CAMK1D: variants seen among roughly 807,000 people sequenced by gnomAD.
CAMK1D encodes the protein calcium/calmodulin-dependent protein kinase type 1D.
Under a neutral mutation model 47.7 loss-of-function variants are expected in CAMK1D, and 9 were observed. That is an observed-to-expected ratio of 0.19 (90% confidence interval 0.11 to 0.33). CAMK1D has a LOEUF of 0.33. Ranked by LOEUF, CAMK1D falls within the 10% of genes least tolerant of loss-of-function variation. The pLI, the probability that CAMK1D is intolerant of heterozygous loss-of-function variation, is 1.00. For missense variants in CAMK1D, 291 were observed against 488.7 expected, an observed-to-expected ratio of 0.60 and a Z score of 3.81; for synonymous variants, 184 against 184.9, an observed-to-expected ratio of 0.99 and a Z score of 0.04.
intron 1 of CAMK1D, among the ~76,000 whole-genome samples, chr10:12,392,954 T>C (rs974590531): frequency 6.6e-6 from 1 of 151,962 alleles, no homozygotes; most frequent in Non-Finnish European, 1.5e-5. Context: ...CACACACACA[T>C]ACCCTGATCT....
chr10:12,427,942 G>A (rs1468725960), intron 1 of CAMK1D, among the ~76,000 whole-genome samples: 1 of 151,564 alleles, frequency 6.6e-6, no homozygotes, highest in Non-Finnish European at 1.5e-5. Context: ...TCCTGACCTT[G>A]TGATCCTCCC....
At chr10:12,619,193 C>T (rs1838913736) in intron 2 of CAMK1D, among the ~76,000 whole-genome samples, 1 of 152,162 alleles carries the variant, frequency 6.6e-6, no homozygotes. Context: ...GTTCCAATTT[C>T]ACAGTAATCC....
chr10:12,372,890 C>G (rs1838045248), intron 1 of CAMK1D, among the ~76,000 whole-genome samples: 1 of 152,188 alleles, frequency 6.6e-6, no homozygotes, highest in South Asian at 2.1e-4. Flanking sequence ...CTTGGCCTCT[C>G]AAAGTGCTGG....
Position 12,828,895 on chromosome 10 carries a change from T to C in CAMK1D, c.*8T>C. The C allele has an allele frequency of 6.3e-7, 1 of 1,597,914 alleles. No individual in the cohort carries two copies. The highest frequency in any genetic ancestry group is 8.5e-7 in the Non-Finnish European group (1 of 1,171,460). On this transcript the variant is annotated 3_prime_UTR_variant, in exon 11 of 11. Coordinates refer to ENST00000619168, the MANE Select transcript of CAMK1D (RefSeq NM_153498.4). ...CACTCTGGAAGCAAGTGACTGGCCC[T>C]GGAGGTGGGGCCCGGGGTCGGGGCT...
At chr10:12,419,487 G>A (rs1381429699) in intron 1 of CAMK1D, among the ~76,000 whole-genome samples, 1 of 152,102 alleles carries the variant, frequency 6.6e-6, no homozygotes, top group Non-Finnish European at 1.5e-5. Flanking sequence ...CTTTTCCACA[G>A]CCTTTCTTGA....
chr10:12,381,346 T>C (rs1425770122), intron 1 of CAMK1D, among the ~76,000 whole-genome samples: 1 of 151,006 alleles, frequency 6.6e-6, no homozygotes, highest in East Asian at 1.9e-4. Flanking sequence ...TGCTTTCTTT[T>C]TTTTTTTTTT....
At chr10:12,439,962 C>T (rs762254855) in intron 1 of CAMK1D, among the ~76,000 whole-genome samples, 10 of 152,120 alleles carry the variant, frequency 6.6e-5, no homozygotes, top group East Asian at 5.8e-4. Context: ...CATCAGATCT[C>T]GTGAGAGACC....
intron 1 of CAMK1D, among the ~76,000 whole-genome samples, chr10:12,394,009 C>T (rs1202569889): frequency 1.3e-5 from 2 of 152,190 alleles, no homozygotes; most frequent in African/African-American, 2.4e-5. Flanking sequence ...CTCCCGACAC[C>T]CCCTCCGCTT....
intron 1 of CAMK1D, among the ~76,000 whole-genome samples, chr10:12,384,871 C>G (rs565017419): frequency 6.6e-6 from 1 of 152,190 alleles, no homozygotes; most frequent in South Asian, 2.1e-4. Context: ...GTGGGAAATG[C>G]GTTTTGAAAA....
intron 2 of CAMK1D, among the ~76,000 whole-genome samples, chr10:12,632,444 G>T (rs967104240): frequency 2.0e-5 from 3 of 152,210 alleles, no homozygotes; most frequent in African/African-American, 7.2e-5. Context: ...GATAGGGTCG[G>T]ATCAGGGTGG....
intron 2 of CAMK1D, among the ~76,000 whole-genome samples, chr10:12,604,807 G>C (rs1838401658): frequency 6.6e-6 from 1 of 152,114 alleles, no homozygotes; most frequent in Non-Finnish European, 1.5e-5. Context: ...TTTAAACTTA[G>C]TTGACCAAAG....
chr10:12,441,349 G>A (rs972027332), intron 1 of CAMK1D, among the ~76,000 whole-genome samples: 2 of 151,982 alleles, frequency 1.3e-5, no homozygotes, highest in African/African-American at 2.4e-5. Flanking sequence ...AGGCATATGC[G>A]ACAGGCCTGG....
At chr10:12,372,910 C>T (rs1170522688) in intron 1 of CAMK1D, among the ~76,000 whole-genome samples, 2 of 152,256 alleles carry the variant, frequency 1.3e-5, no homozygotes, top group South Asian at 4.1e-4. Context: ...GGATTATAGG[C>T]GTGAGCCACT....
At chr10:12,577,342 A>G (rs543518116) in intron 2 of CAMK1D, among the ~76,000 whole-genome samples, 178 of 152,134 alleles carry the variant, frequency 1.2e-3, no homozygotes, top group African/African-American at 4.1e-3. Flanking sequence ...AACACCTGCC[A>G]CCTCCAGTTC....
intron 2 of CAMK1D, among the ~76,000 whole-genome samples, chr10:12,578,340 G>T (rs1435939300): frequency 2.0e-5 from 3 of 152,132 alleles, no homozygotes; most frequent in Non-Finnish European, 4.4e-5. Context: ...GGAGGCTTAG[G>T]CGGATGGATC....
intron 3 of CAMK1D, among the ~76,000 whole-genome samples, chr10:12,678,434 C>T (rs1399328130): frequency 2.6e-5 from 4 of 152,186 alleles, no homozygotes; most frequent in Admixed American, 6.5e-5. Flanking sequence ...ATATTCCACA[C>T]GAACTTGAGA....
chr10:12,515,024 T>TA (rs1412977250), intron 1 of CAMK1D, among the ~76,000 whole-genome samples: 55 of 151,108 alleles, frequency 3.6e-4, no homozygotes, highest in African/African-American at 1.1e-3. Context: ...CTAATTTTTT[T>TA]TTTTTATTTT....
At chr10:12,499,647 A>G (rs1834642447) in intron 1 of CAMK1D, among the ~76,000 whole-genome samples, 1 of 152,188 alleles carries the variant, frequency 6.6e-6, no homozygotes, top group African/African-American at 2.4e-5. Context: ...CTTCAACACA[A>G]GTGCTTGAGA....
chr10:12,727,240 A>G (rs748972833), intron 3 of CAMK1D, among the ~76,000 whole-genome samples: 10 of 152,220 alleles, frequency 6.6e-5, no homozygotes, highest in Non-Finnish European at 1.2e-4. Context: ...TTTTTAAAAC[A>G]ATCCCTTTCA....
Sources: gnomAD v4.1 joint callset for allele counts (sites outside exome capture counted in the v4.1 genomes callset) on GRCh38, gnomAD v4.1.1 for gene constraint, MANE v1.5 for transcripts, NCBI Gene and HGNC (gene_info 2026-07-23, HGNC 2026-07-21) for gene names.